SPATS2: variants seen among roughly 807,000 people sequenced by gnomAD.
SPATS2 encodes the protein spermatogenesis associated serine rich 2, also known as spermatogenesis-associated serine-rich protein 2.
SPATS2 carries 38 observed loss-of-function variants against 63.7 expected under a neutral mutation model. That is an observed-to-expected ratio of 0.60 (90% CI 0.46 to 0.78). The LOEUF is 0.78. Among genes scored for constraint, SPATS2 ranks in the 30% least tolerant of loss-of-function variants. The pLI, the probability that SPATS2 is intolerant of heterozygous loss-of-function variation, is 0.00. For synonymous variants in SPATS2, 207 were observed against 232.9 expected (o/e 0.89, Z 1.01); for missense variants, 588 against 666.2 (o/e 0.88, Z 1.29).
chr12:49,470,776 C>T (rs899473711), intron 3 of SPATS2, among the ~76,000 whole-genome samples: 1 of 152,156 alleles, frequency 6.6e-6, no homozygotes, highest in African/African-American at 2.4e-5. Flanking sequence ...TCAGAAGAGA[C>T]TTGTGAAATA....
intron 2 of SPATS2, among the ~76,000 whole-genome samples, chr12:49,400,692 AC>A (rs934345049): frequency 2.6e-5 from 4 of 152,088 alleles, no homozygotes; most frequent in Non-Finnish European, 5.9e-5. Flanking sequence ...GTAAGCATGG[AC>A]GAGGAAATGT....
intron 2 of SPATS2, among the ~76,000 whole-genome samples, chr12:49,437,298 TC>T (rs1274081602): frequency 1.3e-5 from 2 of 150,346 alleles, no homozygotes; most frequent in African/African-American, 2.5e-5. Flanking sequence ...GCTCCTCACT[TC>T]CTAGATGGGA....
intron 4 of SPATS2, chr12:49,486,185 T>TTTGTTG: frequency 6.7e-6 from 3 of 451,052 alleles, no homozygotes; most frequent in South Asian, 3.1e-5. Context: ...TTTGGTGCCT[T>TTTGTTG]TTGTTGTTGT....
intron 2 of SPATS2, among the ~76,000 whole-genome samples, chr12:49,458,731 C>T (rs1945764873): frequency 7.0e-6 from 1 of 142,936 alleles, no homozygotes; most frequent in Admixed American, 6.9e-5. Flanking sequence ...AATTCCATCT[C>T]GTTTTTTTTT....
At chr12:49,498,283 T>G (rs1946503421) in intron 8 of SPATS2, among the ~76,000 whole-genome samples, 1 of 151,702 alleles carries the variant, frequency 6.6e-6, no homozygotes, top group African/African-American at 2.4e-5. Context: ...GTTACAAACT[T>G]TTTAGATCCA....
At chr12:49,386,379 G>A (rs1404449365) in intron 2 of SPATS2, among the ~76,000 whole-genome samples, 1 of 152,002 alleles carries the variant, frequency 6.6e-6, no homozygotes, top group Non-Finnish European at 1.5e-5. Flanking sequence ...GGCCAGGCTG[G>A]TCTCAAACTC....
At chr12:49,462,349 G>C in intron 3 of SPATS2, 1 of 702,418 alleles carries the variant, frequency 1.4e-6, no homozygotes, top group Non-Finnish European at 2.6e-6. Flanking sequence ...TTCAGTACCA[G>C]CAGGGGTGAA....
At chr12:49,374,610 G>A (rs1047169824) in intron 2 of SPATS2, among the ~76,000 whole-genome samples, 1 of 152,066 alleles carries the variant, frequency 6.6e-6, no homozygotes, top group African/African-American at 2.4e-5. Flanking sequence ...TGAGGATATA[G>A]ATGTTACTTA....
intron 2 of SPATS2, among the ~76,000 whole-genome samples, chr12:49,438,021 A>G (rs12306645): frequency 0.3 from 44,854 of 151,978 alleles, 8,973 homozygotes; most frequent in African/African-American, 0.57. Flanking sequence ...GTAATCAGTG[A>G]ATTTTTACAT....
chr12:49,524,887 A>G lies in SPATS2; in HGVS notation c.1317A>G (p.Pro439=). ...ACTCCAGTGGCCAGCCCTACCAGCC[A>G]CTTCGGGAGGTAACCTAGCTTCTAC... ...IANSSGQPYQ[P]LREVLPGNRR... The change falls in exon 13 of 14, where the codon CCA becomes CCG. Residue 439 remains proline (P), a synonymous_variant. Coordinates refer to ENST00000552918, the MANE Select transcript of SPATS2 (RefSeq NM_023071.4). 1.2e-6 allele frequency: 2 copies of G among 1,613,330 alleles called. No individual in the cohort carries two copies. The highest frequency in any genetic ancestry group is 1.7e-6 in the Non-Finnish European group (2 of 1,180,024).
At chr12:49,448,966 C>T (rs1945567081) in intron 2 of SPATS2, among the ~76,000 whole-genome samples, 1 of 152,154 alleles carries the variant, frequency 6.6e-6, no homozygotes, top group Non-Finnish European at 1.5e-5. Flanking sequence ...CTATTCATTT[C>T]TGCCGTTTTG....
At chr12:49,514,988 C>G (rs191496702) in intron 10 of SPATS2, among the ~76,000 whole-genome samples, 1 of 152,168 alleles carries the variant, frequency 6.6e-6, no homozygotes, top group African/African-American at 2.4e-5. Context: ...ATTAGGTTGC[C>G]TACGATTGTA....
Position 49,374,958 on chromosome 12 carries a change from C to CAAAAAAAAAAA in SPATS2, c.-244+3685_-244+3695dup, listed in dbSNP as rs10687716. ...CCTGGGAAACAGCGAGGATCTGTCT[C>CAAAAAAAAAAA]AAAAAAAAAAAAAAAAAAAAAAAAA... On this transcript the variant is annotated intron_variant, in intron 2 of 13. Transcript: ENST00000552918. 2.8e-4 allele frequency among the ~76,000 whole-genome samples: 7 copies of CAAAAAAAAAAA among 24,738 alleles called. 1 individual carries two copies. Among genetic ancestry groups the CAAAAAAAAAAA allele is most frequent in the African/African-American group, 9.2e-4 (7 of 7,628 alleles). The allele number at this position is 24,738 out of a possible 152,430, so 16.2% of individuals were successfully genotyped here. A position where few individuals can be genotyped will look rare whatever the true frequency, so the allele number is the denominator to read the frequency against.
At chr12:49,514,902 C>T (rs970576643) in intron 10 of SPATS2, among the ~76,000 whole-genome samples, 1 of 152,132 alleles carries the variant, frequency 6.6e-6, no homozygotes, top group African/African-American at 2.4e-5. Context: ...TTTGTTTCTT[C>T]CTCTAGTGTT....
chr12:49,492,131 T>C (rs745349111), intron 6 of SPATS2, among the ~76,000 whole-genome samples: 13 of 152,304 alleles, frequency 8.5e-5, no homozygotes, highest in Non-Finnish European at 1.8e-4. Flanking sequence ...TTTTGAATAT[T>C]TGTTTAACTT....
chr12:49,519,118 A>G lies in SPATS2; in HGVS notation c.944A>G (p.Lys315Arg). ...SRQKKAELLK[K>R]MTHVAVQMSE... ...CAAAAGAAGGCTGAACTTCTAAAGA[A>G]GATGACTCATGTGGCTGTTCAAATG... Residue 315 changes from lysine (K) to arginine (R), a missense_variant, in exon 11 of 14, where the codon AAG becomes AGG. Coordinates refer to ENST00000552918, the MANE Select transcript of SPATS2 (RefSeq NM_023071.4). The G allele has an allele frequency of 3.7e-6, 6 of 1,614,168 alleles. No individual in the cohort carries two copies. The highest frequency in any genetic ancestry group is 2.5e-6 in the Non-Finnish European group (3 of 1,180,004).
chr12:49,519,695 A>G (rs1008585226), intron 11 of SPATS2, among the ~76,000 whole-genome samples: 2 of 151,944 alleles, frequency 1.3e-5, no homozygotes, highest in African/African-American at 4.8e-5. Context: ...CTCAGTTCAT[A>G]CCATCCCCCC....
intron 9 of SPATS2, chr12:49,512,758 C>A: frequency 3.1e-6 from 2 of 649,848 alleles, no homozygotes; most frequent in Non-Finnish European, 4.6e-6. Context: ...ATCTGATGGA[C>A]ACAGCGTCTG....
chr12:49,390,962 A>G (rs970304867), intron 2 of SPATS2, among the ~76,000 whole-genome samples: 4 of 152,196 alleles, frequency 2.6e-5, no homozygotes, highest in Non-Finnish European at 5.9e-5. Context: ...TAAGGATACT[A>G]TGTAGTTCAT....
Sources: allele counts gnomAD v4.1 joint callset (sites outside exome capture counted in the v4.1 genomes callset), GRCh38; gene constraint gnomAD v4.1.1; transcripts MANE v1.5; gene names NCBI Gene and HGNC (gene_info 2026-07-23, HGNC 2026-07-21).